Variants in DIXDC1 observed in about 807,000 individuals in gnomAD.
DIXDC1 encodes the protein DIX domain containing 1.
DIXDC1 carries 64 observed loss-of-function variants against 103.1 expected under a neutral mutation model. The observed-to-expected ratio is 0.62, with a 90% CI of 0.51 to 0.76. DIXDC1 has a LOEUF of 0.76. Among genes scored for constraint, DIXDC1 ranks in the 30% least tolerant of loss-of-function variants. DIXDC1 has a pLI of 0.00. For synonymous variants in DIXDC1, 266 were observed against 298.5 expected (o/e 0.89, Z 1.12); for missense variants, 759 against 834.2 (o/e 0.91, Z 1.11).
chr11:112,012,158 G>C (rs1404762669), intron 17 of DIXDC1, among the ~76,000 whole-genome samples: 1 of 152,198 alleles, frequency 6.6e-6, no homozygotes, highest in Non-Finnish European at 1.5e-5. Context: ...CTTCAATGCA[G>C]TTCCAGTGAA....
At position 111,958,524 on chromosome 11, in the gene DIXDC1, C is replaced by T. The variant is rs1218229057; in HGVS notation, c.61-6025C>T. On this transcript the variant is annotated intron_variant, in intron 1 of 19. Transcript: ENST00000440460. This position sits in a 1 kb window ranked among gnomAD's most constrained non-coding sequence, Gnocchi z 4.2. ...GCCAGCCCCCTGCTGCCTTAGCTCC[C>T]TCTGGACTTTGGGTGCCGAAAAGCA... 6.6e-6 allele frequency among the ~76,000 whole-genome samples: 1 copy of T among 152,190 alleles called. No homozygotes were observed. Among genetic ancestry groups the T allele is most frequent in the Non-Finnish European group, 1.5e-5 (1 of 68,038 alleles).
rs1861734076 is a variant in DIXDC1 at position 112,020,837 on chromosome 11, G to A, written c.*1801G>A. On this transcript the variant is annotated 3_prime_UTR_variant, in exon 20 of 20. Coordinates refer to ENST00000440460, the MANE Select transcript of DIXDC1 (RefSeq NM_001037954.4). Reference sequence around the variant, plus strand: ...TATTGAAGAATTTTTCATCAGAAACGACTGGGAAAGTTTGGGAAAGTCAGC... The same window carrying A: ...TATTGAAGAATTTTTCATCAGAAACAACTGGGAAAGTTTGGGAAAGTCAGC... 6.6e-6 allele frequency: 1 copy of A among 152,226 alleles called. No homozygotes were observed. The highest frequency in any genetic ancestry group is 1.5e-5 in the Non-Finnish European group (1 of 68,050). The allele number at this position is 152,226 out of a possible 1,614,324, so 9.4% of individuals were successfully genotyped here. A position where few individuals can be genotyped will look rare whatever the true frequency, so the allele number is the denominator to read the frequency against.
chr11:111,947,940 G>A (rs1966652193), intron 1 of DIXDC1, among the ~76,000 whole-genome samples: 1 of 152,160 alleles, frequency 6.6e-6, no homozygotes, highest in South Asian at 2.1e-4. Context: ...ATGGCTTGAG[G>A]CCAGGAGTTC....
At chr11:111,932,586 CAAAA>C (rs1279927247), upstream of DIXDC1, among the ~76,000 whole-genome samples, 3 of 65,600 alleles carry the variant, frequency 4.6e-5, no homozygotes, top group African/African-American at 4.8e-5. Context: ...GACTCCGTCT[CAAAA>C]AAAAAAAAAA....
intron 8 of DIXDC1, among the ~76,000 whole-genome samples, chr11:111,986,633 G>A (rs1365074766): frequency 6.6e-6 from 1 of 151,852 alleles, no homozygotes; most frequent in African/African-American, 2.4e-5. Flanking sequence ...CAAAGTGCTG[G>A]GATTACAGAT....
chr11:112,018,915 T>G, intron 19 of DIXDC1, 41 bp from the exon 20 acceptor site: 2 of 1,553,628 alleles, frequency 1.3e-6, no homozygotes, highest in Non-Finnish European at 1.8e-6. Flanking sequence ...GTGAATCAGA[T>G]TCCCTGTTTT....
chr11:111,997,614 A>G (rs1860944225), intron 17 of DIXDC1, among the ~76,000 whole-genome samples: 1 of 152,206 alleles, frequency 6.6e-6, no homozygotes, highest in Non-Finnish European at 1.5e-5. Flanking sequence ...AGTCATTTCT[A>G]TTGTTTGTAG....
chr11:111,983,097 C>G (rs900252795), intron 7 of DIXDC1, among the ~76,000 whole-genome samples: 1 of 152,164 alleles, frequency 6.6e-6, no homozygotes, highest in African/African-American at 2.4e-5. Context: ...CCTGAGTGAC[C>G]CCCTCATTCT....
At chr11:111,993,427 A>G in intron 12 of DIXDC1, 69 bp from the exon 13 acceptor site, 1 of 1,555,924 alleles carries the variant, frequency 6.4e-7, no homozygotes, top group Non-Finnish European at 8.9e-7. Flanking sequence ...TGGAAGTTAC[A>G]CTGCAGAGGG....
intron 17 of DIXDC1, among the ~76,000 whole-genome samples, chr11:111,997,626 G>A (rs73561922): frequency 0.025 from 3,766 of 152,096 alleles, 163 homozygotes; most frequent in African/African-American, 0.086. Flanking sequence ...TGTTTGTAGA[G>A]GATTATTATT....
At chr11:111,980,027 G>A (rs1266387294) in intron 5 of DIXDC1, among the ~76,000 whole-genome samples, 1 of 152,200 alleles carries the variant, frequency 6.6e-6, no homozygotes, top group Non-Finnish European at 1.5e-5. Flanking sequence ...TATTGTGTCA[G>A]AAATATAAAT....
intron 17 of DIXDC1, among the ~76,000 whole-genome samples, chr11:112,012,640 G>C (rs587597484): frequency 6.6e-6 from 1 of 152,270 alleles, no homozygotes; most frequent in South Asian, 2.1e-4. Flanking sequence ...TAAATTTGTA[G>C]ATATACACAA....
chr11:111,937,729 A>T (rs1966264368), intron 1 of DIXDC1, among the ~76,000 whole-genome samples, 170 bp downstream of exon 1: 1 of 152,208 alleles, frequency 6.6e-6, no homozygotes, highest in Admixed American at 6.5e-5. Flanking sequence ...GTGAACCAGG[A>T]GAAATCAGAA....
At chr11:111,968,253 T>C (rs117729321) in intron 2 of DIXDC1, among the ~76,000 whole-genome samples, 2,224 of 152,362 alleles carry the variant, frequency 0.015, 27 homozygotes, top group Non-Finnish European at 0.021. Context: ...ACTCAATAGA[T>C]GCTGAGTGAA....
intron 5 of DIXDC1, chr11:111,975,426 G>A (rs187371658): frequency 1.6e-3 from 1,639 of 1,015,968 alleles, no homozygotes; most frequent in Non-Finnish European, 1.8e-3. Flanking sequence ...TAGAGCATTA[G>A]AATGTTTCCA....
intron 3 of DIXDC1, among the ~76,000 whole-genome samples, chr11:111,973,092 C>T (rs185727924): frequency 1.7e-4 from 25 of 151,242 alleles, no homozygotes; most frequent in Admixed American, 4.0e-4. Flanking sequence ...ACAGGTGAGC[C>T]GGGCGCAGTG....
At position 111,980,841 on chromosome 11, in the gene DIXDC1, A is replaced by G; in HGVS notation, c.761A>G (p.Asn254Ser). 1 of 1,613,276 alleles carries G rather than the reference A, an allele frequency of 6.2e-7. No homozygotes were observed. Among genetic ancestry groups the G allele is most frequent in the Non-Finnish European group, 8.5e-7 (1 of 1,179,228 alleles). ...ATTATTCCCGCTGAAGGAATAGAGA[A>G]CAGAACAGGTACTATCTCTACGCCT... ...FVIIPAEGIE[N>S]RTEGTDSPLS... is the part of the protein sequence containing the mutation. Residue 254 changes from asparagine (N) to serine (S), a missense_variant, in exon 6 of 20, where the codon AAC becomes AGC. By Grantham distance (46) the Asn-to-Ser change is conservative (BLOSUM62 1). Transcript: ENST00000440460.
At chr11:111,941,874 C>A (rs928143881) in intron 1 of DIXDC1, among the ~76,000 whole-genome samples, 41 of 112,880 alleles carry the variant, frequency 3.6e-4, no homozygotes, top group African/African-American at 8.2e-4. Flanking sequence ...ACACACACAC[C>A]CACGAAGAGT....
At position 111,944,044 on chromosome 11, in the gene DIXDC1, A is replaced by G. The variant is rs372544771; in HGVS notation, c.60+6485A>G. Among the ~76,000 whole-genome samples, 4 of 152,222 alleles carry G rather than the reference A, an allele frequency of 2.6e-5. No homozygotes were observed. In the South Asian group the frequency reaches 8.3e-4, roughly 31 times the overall value. On this transcript the variant is annotated intron_variant, in intron 1 of 19. Transcript: ENST00000440460. ...CTGAAAGAGTTAATAGAAAAGAAAT[A>G]CAATAGGGTGTTTACTGGCAGAATT... is the stretch of plus-strand genomic sequence containing the variant.
Sources: allele counts gnomAD v4.1 joint callset (sites outside exome capture counted in the v4.1 genomes callset), GRCh38; gene constraint gnomAD v4.1.1; non-coding constraint Gnocchi (gnomAD v3.1); transcripts MANE v1.5; gene names NCBI Gene and HGNC (gene_info 2026-07-23, HGNC 2026-07-21).